Variants in ROBO2 observed in about 807,000 individuals in gnomAD.
ROBO2 encodes roundabout guidance receptor 2.
In ROBO2, 53 loss-of-function variants were observed where a neutral mutation model predicts 160.8. The ratio of observed to expected loss-of-function variants is 0.33; its 90% CI spans 0.26 to 0.41. The LOEUF (loss-of-function observed/expected upper bound fraction) is 0.41. Among genes scored for constraint, ROBO2 ranks in the 10% least tolerant of loss-of-function variants. The pLI is 1.00. For missense variants in ROBO2, 1,577 were observed against 1,722.4 expected (o/e 0.92, Z 1.49); for synonymous variants, 664 against 611.7 (o/e 1.09, Z -1.26).
At chr3:75,947,008 T>C (rs2107146563) in intron 2 of ROBO2, among the ~76,000 whole-genome samples, 1 of 152,152 alleles carries the variant, frequency 6.6e-6, no homozygotes, top group South Asian at 2.1e-4. Context: ...ATTGTAGCAA[T>C]AAATTTGGAG....
At chr3:76,776,093 A>C (rs2062232934) in intron 2 of ROBO2, among the ~76,000 whole-genome samples, 1 of 150,860 alleles carries the variant, frequency 6.6e-6, no homozygotes, top group South Asian at 2.1e-4. Context: ...ACTCAGAAAA[A>C]TATTATTATG....
chr3:77,040,141 T>C (rs2149606042), exon 1 of ROBO2: 1 of 982,428 alleles, frequency 1.0e-6, no homozygotes, highest in Non-Finnish European at 1.2e-6. Context: ...CTGATTTCCC[T>C]TCTCCTCTCT....
chr3:77,637,465 G>A (rs1391246063), intron 24 of ROBO2, among the ~76,000 whole-genome samples: 2 of 152,110 alleles, frequency 1.3e-5, no homozygotes, highest in Non-Finnish European at 2.9e-5. Context: ...GAATATGAAG[G>A]TTAAGGGTAG....
intron 2 of ROBO2, among the ~76,000 whole-genome samples, chr3:76,743,946 G>T (rs1560483192): frequency 6.6e-6 from 1 of 152,134 alleles, no homozygotes; most frequent in East Asian, 1.9e-4. Context: ...AAGATTATTG[G>T]GTTTTGTAAT....
intron 2 of ROBO2, among the ~76,000 whole-genome samples, chr3:77,021,084 C>T (rs988978072): frequency 1.3e-5 from 2 of 151,966 alleles, no homozygotes. Context: ...GTGGCATACA[C>T]CTGGGTCCTA....
At chr3:76,761,017 A>G (rs181654520) in intron 2 of ROBO2, among the ~76,000 whole-genome samples, 39 of 151,802 alleles carry the variant, frequency 2.6e-4, no homozygotes, top group Non-Finnish European at 3.7e-4. Context: ...TCAGGAACAC[A>G]TGAAAGCCTG....
At chr3:77,045,606 G>T (rs549168290) in intron 1 of ROBO2, among the ~76,000 whole-genome samples, 1 of 152,242 alleles carries the variant, frequency 6.6e-6, no homozygotes, top group East Asian at 1.9e-4. Flanking sequence ...ACAGTAAATG[G>T]CTTCCACCAT....
At chr3:76,414,073 C>T (rs2075633292) in intron 2 of ROBO2, among the ~76,000 whole-genome samples, 1 of 98,284 alleles carries the variant, frequency 1.0e-5, no homozygotes, top group Admixed American at 9.0e-5. Context: ...CCCTGATAAG[C>T]CCATCAGATC....
chr3:76,042,966 G>A (rs1271280121), intron 2 of ROBO2, among the ~76,000 whole-genome samples: 1 of 151,948 alleles, frequency 6.6e-6, no homozygotes, highest in South Asian at 2.1e-4. Flanking sequence ...GATGCTCCCC[G>A]CTGAATAAAG....
intron 21 of ROBO2, among the ~76,000 whole-genome samples, chr3:77,612,641 G>C (rs887963847): frequency 6.6e-6 from 1 of 152,080 alleles, no homozygotes; most frequent in African/African-American, 2.4e-5. Context: ...CACACAAAAT[G>C]ACACAGAAAA....
At chr3:77,413,844 G>A (rs2076996918) in intron 2 of ROBO2, among the ~76,000 whole-genome samples, 1 of 152,182 alleles carries the variant, frequency 6.6e-6, no homozygotes, top group African/African-American at 2.4e-5. Flanking sequence ...CAAGTAAAAT[G>A]TGGCAGGTCA....
At chr3:76,283,776 G>A (rs113443850) in intron 2 of ROBO2, among the ~76,000 whole-genome samples, 43,177 of 151,838 alleles carry the variant, frequency 0.28, 7,437 homozygotes, top group Non-Finnish European at 0.39. Context: ...CATCGAGCCC[G>A]TGTTTGGGGT....
chr3:76,890,448 G>T (rs35265778), intron 2 of ROBO2, among the ~76,000 whole-genome samples: 26,359 of 151,950 alleles, frequency 0.17, 2,425 homozygotes, highest in South Asian at 0.23. Context: ...TTTCAAAGTG[G>T]CAATATCAAG....
Position 75,959,581 on chromosome 3 carries a change from C to T in ROBO2, c.109+21979C>T, listed in dbSNP as rs117444586. Among the ~76,000 whole-genome samples the T allele has an allele frequency of 2.7e-3, 404 of 151,840 alleles. 9 individuals carry two copies. In the East Asian group the frequency reaches 0.061, roughly 23 times the overall value. On this transcript the variant is annotated intron_variant, in intron 2 of 26. Coordinates refer to the ROBO2 transcript ENST00000487694. ...ACAGTTTCTTTGCTCTTCAGTATTA[C>T]ACTTGCTTATGTGAGTTTCTAAAAC...
At chr3:76,434,704 C>A in intron 2 of ROBO2, 1 of 1,079,054 alleles carries the variant, frequency 9.3e-7, no homozygotes, top group Non-Finnish European at 1.4e-6. Flanking sequence ...GTTCACCAGG[C>A]AGGCCCCCCT....
At chr3:77,042,683 C>T (rs908953157) in intron 1 of ROBO2, among the ~76,000 whole-genome samples, 1 of 152,038 alleles carries the variant, frequency 6.6e-6, no homozygotes, top group Non-Finnish European at 1.5e-5. Flanking sequence ...TCTGCCTTCC[C>T]TCCCTCCCTC....
intron 2 of ROBO2, among the ~76,000 whole-genome samples, chr3:76,571,352 A>C (rs2084946112): frequency 6.6e-6 from 1 of 152,126 alleles, no homozygotes; most frequent in South Asian, 2.1e-4. Context: ...GTTTGAAATA[A>C]TATACAGAAT....
At chr3:76,269,804 T>C (rs992363973) in intron 2 of ROBO2, among the ~76,000 whole-genome samples, 1 of 152,058 alleles carries the variant, frequency 6.6e-6, no homozygotes, top group Non-Finnish European at 1.5e-5. Context: ...TAAAAATCAA[T>C]ACTTACCTGC....
At chr3:75,997,496 A>ATTTTTTTTT (rs1414362363) in intron 2 of ROBO2, among the ~76,000 whole-genome samples, 2 of 46,558 alleles carry the variant, frequency 4.3e-5, no homozygotes, top group Non-Finnish European at 1.1e-4. Context: ...TTGTTCATCC[A>ATTTTTTTTT]TTCTTTTTTT....
Sources: allele counts gnomAD v4.1 joint callset (sites outside exome capture counted in the v4.1 genomes callset), GRCh38; gene constraint gnomAD v4.1.1; transcripts MANE v1.5; gene names NCBI Gene and HGNC (gene_info 2026-07-23, HGNC 2026-07-21).